Variants in PCDHA5 observed in about 807,000 individuals in gnomAD.
PCDHA5 encodes the protein protocadherin alpha 5, also known as protocadherin alpha-5.
A neutral mutation model predicts 61.6 loss-of-function variants in PCDHA5; 43 were observed. That is an observed-to-expected ratio of 0.70 (90% CI 0.55 to 0.90). The LOEUF is 0.90. Among genes scored for constraint, PCDHA5 ranks in the 40% least tolerant of loss-of-function variants. The pLI is 0.00. For missense variants in PCDHA5, 1,298 were observed against 1,222.7 expected, an observed-to-expected ratio of 1.06 and a Z score of -0.92; for synonymous variants, 627 against 543.9, an observed-to-expected ratio of 1.15 and a Z score of -2.13.
chr5:140,864,378 T>C (rs1269675465), intron 1 of PCDHA5: 1 of 152,252 alleles, frequency 6.6e-6, no homozygotes, highest in Non-Finnish European at 1.5e-5. Context: ...ATCGATAAGT[T>C]TATCTCTCAC....
intron 3 of PCDHA5, among the ~76,000 whole-genome samples, chr5:141,007,067 G>A (rs1352139121): frequency 1.3e-5 from 2 of 152,164 alleles, no homozygotes; most frequent in African/African-American, 4.8e-5. Flanking sequence ...AAAGGAGAGA[G>A]TGAAGAGAAA....
chr5:140,925,498 A>G (rs1268906717), intron 1 of PCDHA5, among the ~76,000 whole-genome samples: 1 of 152,124 alleles, frequency 6.6e-6, no homozygotes, highest in East Asian at 1.9e-4. Flanking sequence ...CACTGTCCCA[A>G]TATCCACGCA....
chr5:140,839,950 C>T (rs1554137654), intron 1 of PCDHA5, among the ~76,000 whole-genome samples: 2 of 152,022 alleles, frequency 1.3e-5, no homozygotes, highest in Non-Finnish European at 2.9e-5. Context: ...AAGGAGACAA[C>T]ATATTTTCTG....
intron 3 of PCDHA5, among the ~76,000 whole-genome samples, chr5:140,991,200 A>C (rs2097437692): frequency 6.6e-6 from 1 of 152,234 alleles, no homozygotes; most frequent in Admixed American, 6.5e-5. Context: ...AATGATGCTC[A>C]ATAAATTTTG....
intron 3 of PCDHA5, among the ~76,000 whole-genome samples, chr5:140,986,748 A>G (rs2097211627): frequency 6.6e-6 from 1 of 152,220 alleles, no homozygotes; most frequent in Non-Finnish European, 1.5e-5. Flanking sequence ...GGGATCTGGG[A>G]CTAAACAGTG....
At chr5:140,899,204 C>T (rs1286752140) in intron 1 of PCDHA5, among the ~76,000 whole-genome samples, 2 of 151,972 alleles carry the variant, frequency 1.3e-5, no homozygotes, top group African/African-American at 4.8e-5. Context: ...CCTAATTGCC[C>T]TGGCCAGAAC....
chr5:140,973,015 A>T (rs1554234824), intron 1 of PCDHA5, among the ~76,000 whole-genome samples: 1 of 152,000 alleles, frequency 6.6e-6, no homozygotes, highest in African/African-American at 2.4e-5. Context: ...TGGTGTTGTG[A>T]TTGTTAATGA....
rs2150270290 is a variant in PCDHA5, at chr5:140,836,802, A to T, written c.2352+12675A>T. ...CAATTAGTTCAATTGGTCTCCTTAA[A>T]TTTTCTTTCATAATTTCTTTTTTAG... is the stretch of plus-strand genomic sequence containing the variant. On this transcript the variant is annotated intron_variant, in intron 1 of 3. Coordinates refer to ENST00000529859, the MANE Select transcript of PCDHA5 (RefSeq NM_018908.3). 6 of 1,309,186 alleles carry T rather than the reference A, an allele frequency of 4.6e-6. No homozygotes were observed. In the African/African-American group the frequency reaches 7.5e-5, roughly 16 times the overall value. 81.1% of individuals were successfully genotyped at this position (1,309,186 alleles called of 1,614,324 possible). A position where few individuals can be genotyped will look rare whatever the true frequency, so the allele number is the denominator to read the frequency against.
intron 1 of PCDHA5, chr5:140,835,638 T>A: frequency 6.2e-7 from 1 of 1,613,926 alleles, no homozygotes. Flanking sequence ...CGAGAGTGTG[T>A]CCGCCTATGA....
At chr5:140,976,688 G>T (rs1343503965) in intron 1 of PCDHA5, among the ~76,000 whole-genome samples, 2 of 152,118 alleles carry the variant, frequency 1.3e-5, no homozygotes, top group East Asian at 3.8e-4. Context: ...TGCAATTTAA[G>T]TACAATAATG....
intron 1 of PCDHA5, chr5:140,883,933 G>C: frequency 6.2e-7 from 1 of 1,613,398 alleles, no homozygotes; most frequent in Non-Finnish European, 8.5e-7. Flanking sequence ...AGGTGTTCGT[G>C]CTGGACGAGA....
chr5:140,944,242 C>T (rs969404044), intron 1 of PCDHA5, among the ~76,000 whole-genome samples: 1 of 152,172 alleles, frequency 6.6e-6, no homozygotes, highest in African/African-American at 2.4e-5. Flanking sequence ...GGCTGGAGTG[C>T]AGTGATGTGA....
Position 140,822,123 on chromosome 5 carries a change from C to T in PCDHA5, c.348C>T (p.Phe116=), listed in dbSNP as rs2150113831. The change falls in exon 1 of 4, where the codon TTC becomes TTT. Residue 116 remains phenylalanine (F), a synonymous_variant. Transcript: ENST00000529859. ...EVIVDRPLQV[F]HVEVAVKDIN... The stretch of plus-strand genomic sequence containing the variant: ...TCGTGGACAGGCCGCTGCAGGTTTT[C>T]CATGTGGAGGTGGCAGTGAAGGACA... The T allele has an allele frequency of 7.4e-6, 12 of 1,614,116 alleles. 1 individual carries two copies. In the Middle Eastern group the frequency reaches 1.2e-3, roughly 155 times the overall value.
At chr5:140,826,837 T>C (rs1581838088) in intron 1 of PCDHA5, among the ~76,000 whole-genome samples, 1 of 152,182 alleles carries the variant, frequency 6.6e-6, no homozygotes, top group East Asian at 1.9e-4. Context: ...TAGAAGTTTC[T>C]CAAGTGTCTT....
At chr5:140,851,067 G>T in intron 1 of PCDHA5, 7 of 1,367,668 alleles carry the variant, frequency 5.1e-6, no homozygotes, top group Non-Finnish European at 6.7e-6. Context: ...CTTCTAGTGA[G>T]AATTATAAAC....
chr5:140,856,851 C>A, intron 1 of PCDHA5: 1 of 1,593,160 alleles, frequency 6.3e-7, no homozygotes. Flanking sequence ...GCTTCTGATT[C>A]GGATGAAGGA....
At chr5:140,966,989 G>C (rs879989091) in intron 1 of PCDHA5, 7 of 1,604,030 alleles carry the variant, frequency 4.4e-6, no homozygotes, top group Non-Finnish European at 5.1e-6. Context: ...CTTGGGGCCG[G>C]GTTGCTTGCG....
At chr5:140,930,993 C>T (rs1275430453) in intron 1 of PCDHA5, among the ~76,000 whole-genome samples, 1 of 152,140 alleles carries the variant, frequency 6.6e-6, no homozygotes, top group African/African-American at 2.4e-5. Flanking sequence ...TCATGACCTA[C>T]ACTAATAACA....
intron 3 of PCDHA5, among the ~76,000 whole-genome samples, chr5:141,005,656 C>T (rs1004583867): frequency 1.5e-4 from 20 of 136,082 alleles, no homozygotes; most frequent in Non-Finnish European, 2.5e-4. Context: ...GAGTCGAGAT[C>T]GCGCCACTGC....
Sources: allele counts gnomAD v4.1 joint callset (sites outside exome capture counted in the v4.1 genomes callset), GRCh38; gene constraint gnomAD v4.1.1; transcripts MANE v1.5; gene names NCBI Gene and HGNC (gene_info 2026-07-23, HGNC 2026-07-21).